The following ATP13A5 variants were observed in gnomAD, a reference collection of about 807,000 sequenced individuals.
ATP13A5 encodes probable cation-transporting ATPase 13A5.
ATP13A5 carries 149 observed loss-of-function variants against 150.2 expected under a neutral mutation model. That is an observed-to-expected ratio of 0.99 (90% CI 0.87 to 1.14). ATP13A5 has a LOEUF of 1.14. Among genes scored for constraint, ATP13A5 ranks in the 50% most tolerant of loss-of-function variants. The probability of loss-of-function intolerance (pLI) is 0.00; values close to 1 mark genes in which losing one functional copy is unlikely to be tolerated. For synonymous variants in ATP13A5, 497 were observed against 522.2 expected (o/e 0.95, Z 0.66); for missense variants, 1,383 against 1,449.3 (o/e 0.95, Z 0.74).
rs532907884 is a variant in ATP13A5, at chr3:193,327,184, T to A, written c.1462-127A>T. The A allele has an allele frequency of 2.3e-5, 18 of 784,808 alleles. No individual in the cohort carries two copies. In the African/African-American group the frequency reaches 3.1e-4, roughly 14 times the overall value. The allele number at this position is 784,808 out of a possible 1,614,324, so 48.6% of individuals were successfully genotyped here. Reference sequence around the variant, plus strand: ...GTAGTCTAAATACCTTGTTTATAAGTACCAAATTTTAAATCAGAGAGGAGT... The same window carrying A: ...GTAGTCTAAATACCTTGTTTATAAGAACCAAATTTTAAATCAGAGAGGAGT... On this transcript the variant is annotated intron_variant, in intron 12 of 29. Transcript: ENST00000342358.
At chr3:193,314,791 CA>C (rs1247429974) in intron 18 of ATP13A5, among the ~76,000 whole-genome samples, 180 bp downstream of exon 18, 1 of 152,212 alleles carries the variant, frequency 6.6e-6, no homozygotes, top group Non-Finnish European at 1.5e-5. Flanking sequence ...TCCCTACCTT[CA>C]AAGCTTCTGG....
intron 21 of ATP13A5, among the ~76,000 whole-genome samples, chr3:193,309,747 A>G (rs1718767733): frequency 2.0e-5 from 3 of 152,228 alleles, no homozygotes; most frequent in African/African-American, 7.2e-5. Flanking sequence ...TCCGCTAGCC[A>G]GTGAAAAACT....
intron 13 of ATP13A5, among the ~76,000 whole-genome samples, chr3:193,326,582 A>T (rs1375009240): frequency 6.6e-6 from 1 of 152,204 alleles, no homozygotes; most frequent in East Asian, 1.9e-4. Context: ...TTCTGCCTTA[A>T]TAGTAACAAT....
At chr3:193,375,051 C>T (rs903827984) in intron 1 of ATP13A5, among the ~76,000 whole-genome samples, 102 of 152,306 alleles carry the variant, frequency 6.7e-4, no homozygotes, top group African/African-American at 2.3e-3. Flanking sequence ...ATGAATCACC[C>T]AGTCTGTGGT....
Position 193,311,892 on chromosome 3 carries a change from C to T in ATP13A5, c.2369G>A (p.Gly790Glu). The T allele has an allele frequency of 6.2e-7, 1 of 1,613,904 alleles. No individual in the cohort carries two copies. The highest frequency in any genetic ancestry group is 8.5e-7 in the Non-Finnish European group (1 of 1,179,882). ...ACTCATTGCAAAATGGTAACAGCTT[C>T]CTCCTTCCCCACGAGGGGTTGAACT... The part of the protein sequence containing the change: ...GNSSTPRGEG[G>E]SCYHFAMSGK... The change falls in exon 20 of 30, where the codon GGA (glycine) becomes GAA (glutamate). Residue 790 changes from glycine to glutamate, a missense_variant. Gly to Glu is a moderately conservative substitution (Grantham distance 98). Around this residue, in one of 3 missense-constraint regions of ATP13A5, gnomAD observed 568 missense variants for 621.5 expected, o/e 0.91. Coordinates refer to ENST00000342358, the MANE Select transcript of ATP13A5 (RefSeq NM_198505.4).
At chr3:193,307,598 T>C (rs1040627027) in intron 21 of ATP13A5, among the ~76,000 whole-genome samples, 1 of 152,214 alleles carries the variant, frequency 6.6e-6, no homozygotes, top group African/African-American at 2.4e-5. Context: ...GGTAGTGATA[T>C]AACCAAGGAC....
chr3:193,305,510 G>A (rs1394473854), intron 23 of ATP13A5, 49 bp downstream of exon 23: 3 of 1,405,676 alleles, frequency 2.1e-6, no homozygotes, highest in Non-Finnish European at 3.0e-6. Flanking sequence ...TGCAGAGCCA[G>A]ACAATGGGCC....
intron 9 of ATP13A5, 95 bp from the exon 10 acceptor site, chr3:193,335,194 T>G: frequency 8.6e-7 from 1 of 1,159,806 alleles, no homozygotes; most frequent in Admixed American, 1.9e-5. Context: ...AAACCACAAC[T>G]AATCCGGTCT....
chr3:193,362,655 A>G lies in ATP13A5; in HGVS notation c.385-18T>C. The G allele has an allele frequency of 1.9e-6, 3 of 1,612,816 alleles. No homozygotes were observed. The highest frequency in any genetic ancestry group is 2.5e-6 in the Non-Finnish European group (3 of 1,178,762). On this transcript the variant is annotated intron_variant, in intron 3 of 29. Transcript: ENST00000342358. The stretch of plus-strand genomic sequence containing the variant: ...CACCGCAGCTACGATTGCAAATGTG[A>G]TAGAGCAGGTGTCATTCACAGCATA...
chr3:193,290,458 A>G (rs1207657802), intron 25 of ATP13A5, among the ~76,000 whole-genome samples: 1 of 152,100 alleles, frequency 6.6e-6, no homozygotes. Flanking sequence ...AATGAGGAGA[A>G]TAAGGAGGAA....
At chr3:193,326,177 C>G (rs976979574) in intron 13 of ATP13A5, among the ~76,000 whole-genome samples, 1 of 152,174 alleles carries the variant, frequency 6.6e-6, no homozygotes, top group Non-Finnish European at 1.5e-5. Flanking sequence ...CTGTTGGCAC[C>G]AAAATAGGGT....
At chr3:193,344,102 T>G (rs1225067539) in intron 8 of ATP13A5, 47 bp from the exon 9 acceptor site, 7 of 1,593,932 alleles carry the variant, frequency 4.4e-6, no homozygotes, top group Non-Finnish European at 6.0e-6. Context: ...TTTCCTGTTT[T>G]TACTTAAGAA....
At chr3:193,315,498 C>T (rs117257932) in intron 17 of ATP13A5, among the ~76,000 whole-genome samples, 91 of 152,214 alleles carry the variant, frequency 6.0e-4, no homozygotes, top group East Asian at 3.9e-3. Context: ...ATACAAGACA[C>T]GATAGTAGTA....
chr3:193,345,158 C>T, intron 7 of ATP13A5, 83 bp from the exon 8 acceptor site: 1 of 1,262,686 alleles, frequency 7.9e-7, no homozygotes, highest in East Asian at 2.3e-5. Context: ...AATACCAGGC[C>T]AGCTGTCACA....
intron 10 of ATP13A5, 65 bp from the exon 11 acceptor site, chr3:193,333,972 C>G: frequency 6.7e-7 from 1 of 1,484,714 alleles, no homozygotes; most frequent in Non-Finnish European, 9.2e-7. Flanking sequence ...CTAAAAATGG[C>G]TTTACTGTCT....
At chr3:193,320,539 G>A (rs1298483373) in intron 16 of ATP13A5, among the ~76,000 whole-genome samples, 4 of 152,142 alleles carry the variant, frequency 2.6e-5, no homozygotes, top group African/African-American at 7.2e-5. Context: ...AGCTGTACCC[G>A]TGTAACTGAA....
At position 193,275,064 on chromosome 3, in the gene ATP13A5, T is replaced by C. The variant is rs1440979319; in HGVS notation, c.3635A>G (p.Gln1212Arg). ...KLKLGGQPTE[Q>R]HFWARL Reference sequence around the variant, plus strand: ...TGATTACAGCCTGGCCCAGAAATGCTGTTCTGTGGGTTGGCCTCCCAATTT... The same window carrying C: ...TGATTACAGCCTGGCCCAGAAATGCCGTTCTGTGGGTTGGCCTCCCAATTT... The change falls in exon 30 of 30, where the codon CAG becomes CGG. Residue 1212 changes from glutamine (Q) to arginine (R), a missense_variant. Around this residue, in one of 3 missense-constraint regions of ATP13A5, gnomAD observed 568 missense variants for 621.5 expected, o/e 0.91. Coordinates refer to ENST00000342358, the MANE Select transcript of ATP13A5 (RefSeq NM_198505.4). The C allele has an allele frequency of 1.2e-6, 2 of 1,614,096 alleles. No homozygotes were observed. Among genetic ancestry groups the C allele is most frequent in the Non-Finnish European group, 1.7e-6 (2 of 1,180,054 alleles).
chr3:193,372,612 A>G (rs1033347240), intron 1 of ATP13A5, among the ~76,000 whole-genome samples: 1 of 152,222 alleles, frequency 6.6e-6, no homozygotes, highest in Non-Finnish European at 1.5e-5. Context: ...TATTCTGAAG[A>G]ACAGGCTTTT....
In ATP13A5 at chr3:193,274,838, C is replaced by T. The variant is rs1336103571; in HGVS notation, c.*204G>A. On this transcript the variant is annotated 3_prime_UTR_variant, in exon 30 of 30. Coordinates refer to ENST00000342358, the MANE Select transcript of ATP13A5 (RefSeq NM_198505.4). ...ATTGAAAAGGATGATACAGGAAATG[C>T]ATTTTTTTCTCTCATTGGTAAAGCA... 6.1e-6 allele frequency: 4 copies of T among 651,148 alleles called. No homozygotes were observed. Among genetic ancestry groups the T allele is most frequent in the Non-Finnish European group, 1.0e-5 (4 of 384,752 alleles). 40.3% of individuals were successfully genotyped at this position (651,148 alleles called of 1,614,324 possible). A position where few individuals can be genotyped will look rare whatever the true frequency, so the allele number is the denominator to read the frequency against.
Sources: allele counts gnomAD v4.1 joint callset (sites outside exome capture counted in the v4.1 genomes callset), GRCh38; gene constraint gnomAD v4.1.1; regional missense constraint gnomAD v4.1.1; transcripts MANE v1.5; gene names NCBI Gene and HGNC (gene_info 2026-07-23, HGNC 2026-07-21).